HACD3: variants seen among roughly 807,000 people sequenced by gnomAD.
HACD3 encodes the protein 3-hydroxyacyl-CoA dehydratase 3.
Under a neutral mutation model 55.2 loss-of-function variants are expected in HACD3, and 30 were observed. The observed-to-expected ratio is 0.54, with a 90% CI of 0.41 to 0.74. HACD3 has a LOEUF of 0.74. Ranked by LOEUF, HACD3 falls within the 30% of genes least tolerant of loss-of-function variation. The pLI, the probability that HACD3 is intolerant of heterozygous loss-of-function variation, is 0.00. For synonymous variants in HACD3, 141 were observed against 151.7 expected (o/e 0.93, Z 0.52); for missense variants, 363 against 440.1 (o/e 0.82, Z 1.57).
At position 65,530,700 on chromosome 15, in the gene HACD3, G is replaced by A. The variant is rs764397884; in HGVS notation, c.69G>A (p.Val23=). ...AQRHRELYLR[V]ELSDVQNPAI... is the part of the protein sequence containing the mutation. Reference sequence around the variant, plus strand: ...GACACCGCGAGCTATATCTGCGCGTGGAGCTGAGTGACGTACAGGTAAAGG... The same window carrying A: ...GACACCGCGAGCTATATCTGCGCGTAGAGCTGAGTGACGTACAGGTAAAGG... Residue 23 remains valine, a synonymous_variant, in exon 1 of 11, where the codon GTG becomes GTA. Transcript: ENST00000261875. The A allele has an allele frequency of 1.3e-5, 20 of 1,570,116 alleles. No individual in the cohort carries two copies. The South Asian group carries it at 2.4e-4, about 19-fold the overall frequency.
intron 1 of HACD3, among the ~76,000 whole-genome samples, chr15:65,544,556 A>G (rs1567332639): frequency 6.6e-6 from 1 of 152,154 alleles, no homozygotes; most frequent in Non-Finnish European, 1.5e-5. Flanking sequence ...TTTTTTAAAA[A>G]TTTTTATTTT....
At chr15:65,574,987 A>T (rs2072386877) in intron 10 of HACD3, among the ~76,000 whole-genome samples, 1 of 152,136 alleles carries the variant, frequency 6.6e-6, no homozygotes, top group South Asian at 2.1e-4. Context: ...AAGTGCATTG[A>T]CTTAGTATCT....
At chr15:65,570,068 T>A (rs2072333112) in intron 7 of HACD3, 23 bp from the exon 8 acceptor site, 1 of 1,454,384 alleles carries the variant, frequency 6.9e-7, no homozygotes, top group Non-Finnish European at 9.5e-7. Context: ...AACTTTTTTC[T>A]CTCTTTTGGG....
At chr15:65,539,210 C>CT (rs71139414) in intron 1 of HACD3, among the ~76,000 whole-genome samples, 26 of 54,324 alleles carry the variant, frequency 4.8e-4, no homozygotes, top group Admixed American at 5.5e-4. Context: ...AGTGACAGGA[C>CT]TTTTTTTTTT....
intron 2 of HACD3, among the ~76,000 whole-genome samples, chr15:65,552,633 TTTTTTGTTTTTTG>T (rs1365679514): frequency 6.6e-6 from 1 of 151,726 alleles, no homozygotes; most frequent in East Asian, 1.9e-4. Context: ...ACCGTGCCTG[TTTTTTGTTTTTTG>T]TTTTTGTTTT....
In HACD3 at chr15:65,571,640, G is replaced by T; in HGVS notation, c.866G>T (p.Gly289Val). ...YTLWIPLYPLGCLAEAVSVIQ... is the reference protein window; with the variant it reads ...YTLWIPLYPLVCLAEAVSVIQ... The stretch of plus-strand genomic sequence containing the variant: ...CTGTGGATTCCCTTATATCCACTGG[G>T]ATGTTTGGCGGAAGGTACTCTCAGG... The change falls in exon 9 of 11, where the codon GGA becomes GTA. Residue 289 changes from glycine to valine, a missense_variant. By Grantham distance (109) the Gly-to-Val change is moderately radical. Coordinates refer to ENST00000261875, the MANE Select transcript of HACD3 (RefSeq NM_016395.4). 1 of 1,612,836 alleles carries T rather than the reference G, an allele frequency of 6.2e-7. No homozygotes were observed. Among genetic ancestry groups the T allele is most frequent in the South Asian group, 1.1e-5 (1 of 91,024 alleles).
intron 2 of HACD3, among the ~76,000 whole-genome samples, chr15:65,552,332 A>C: frequency 6.6e-6 from 1 of 151,994 alleles, no homozygotes; most frequent in South Asian, 2.1e-4. Context: ...TAAAATAGAA[A>C]ATTTATTTAT....
chr15:65,537,662 G>A (rs1171621989), intron 1 of HACD3, among the ~76,000 whole-genome samples: 1 of 150,656 alleles, frequency 6.6e-6, no homozygotes, highest in Non-Finnish European at 1.5e-5. Flanking sequence ...GCATGGTGGC[G>A]GGCGCCTTTA....
intron 3 of HACD3, among the ~76,000 whole-genome samples, chr15:65,556,441 T>A (rs1448583734): frequency 1.4e-5 from 2 of 142,834 alleles, no homozygotes; most frequent in Non-Finnish European, 3.2e-5. Flanking sequence ...GAGGCAGGGC[T>A]TAGGCAGTAA....
intron 9 of HACD3, 59 bp from the exon 10 acceptor site, chr15:65,572,176 C>G: frequency 3.1e-6 from 5 of 1,595,172 alleles, no homozygotes; most frequent in Non-Finnish European, 4.3e-6. Flanking sequence ...ACTGGAAGTT[C>G]CTGTCATTAA....
chr15:65,578,330 TAAAACATTTACAA>T lies in HACD3; in HGVS notation c.*1952_*1964del, dbSNP rs2141231433. ...AAAGTGAAAGATTGTGTATTTCTAT[TAAAACATTTACAA>T]TCAAAATTCTAATGACTGTGCTTAA... is the stretch of plus-strand genomic sequence containing the variant. On this transcript the variant is annotated 3_prime_UTR_variant, in exon 11 of 11. Transcript: ENST00000261875. 6.6e-6 allele frequency: 1 copy of T among 152,324 alleles called. No homozygotes were observed. Among genetic ancestry groups the T allele is most frequent in the East Asian group, 1.9e-4 (1 of 5,190 alleles). 9.4% of individuals were successfully genotyped at this position (152,324 alleles called of 1,614,324 possible).
intron 2 of HACD3, 90 bp from the exon 3 acceptor site, chr15:65,554,797 C>T (rs2072172321): frequency 2.2e-5 from 19 of 870,468 alleles, no homozygotes; most frequent in Middle Eastern, 2.3e-4. Flanking sequence ...GTGTAATATT[C>T]GCATACTTGG....
chr15:65,552,081 A>G, intron 2 of HACD3: 1 of 179,652 alleles, frequency 5.6e-6, no homozygotes, highest in East Asian at 1.5e-4. Flanking sequence ...GTGTTTCTCA[A>G]ACTCGAGGAC....
chr15:65,564,076 A>G, intron 6 of HACD3, 139 bp from the exon 7 acceptor site: 1 of 1,081,612 alleles, frequency 9.2e-7, no homozygotes, highest in Non-Finnish European at 1.4e-6. Context: ...TGCTTAGTTA[A>G]GTAAGAAACT....
chr15:65,539,562 A>G (rs929528163), intron 1 of HACD3, among the ~76,000 whole-genome samples: 6 of 152,056 alleles, frequency 3.9e-5, no homozygotes, highest in African/African-American at 1.2e-4. Flanking sequence ...AATTGGTACA[A>G]TTGATTTGGA....
intron 2 of HACD3, among the ~76,000 whole-genome samples, chr15:65,552,830 T>A (rs1214533948): frequency 6.6e-6 from 1 of 151,886 alleles, no homozygotes; most frequent in Non-Finnish European, 1.5e-5. Context: ...CTCCCGATGC[T>A]ATCCCTCCCC....
chr15:65,540,067 T>TA (rs915266052), intron 1 of HACD3, among the ~76,000 whole-genome samples: 10 of 152,232 alleles, frequency 6.6e-5, no homozygotes, highest in African/African-American at 2.2e-4. Flanking sequence ...TTTCTTTTTT[T>TA]AAAAATTGAG....
intron 1 of HACD3, among the ~76,000 whole-genome samples, chr15:65,545,030 AAAAG>A (rs1451454761): frequency 1.5e-4 from 23 of 152,066 alleles, no homozygotes; most frequent in South Asian, 2.1e-4. Context: ...AAAAAAAAAA[AAAAG>A]AAAGAAAGAA....
chr15:65,559,297 C>T (rs2034938350), intron 5 of HACD3, among the ~76,000 whole-genome samples: 1 of 152,034 alleles, frequency 6.6e-6, no homozygotes, highest in Non-Finnish European at 1.5e-5. Flanking sequence ...TAAAGTCATG[C>T]TGTGTGGCAA....
Sources: allele counts gnomAD v4.1 joint callset (sites outside exome capture counted in the v4.1 genomes callset), GRCh38; gene constraint gnomAD v4.1.1; transcripts MANE v1.5; gene names NCBI Gene and HGNC (gene_info 2026-07-23, HGNC 2026-07-21).